Variants in SFMBT1 observed in about 807,000 individuals in gnomAD.
The protein encoded by SFMBT1 is Scm like with four mbt domains 1.
SFMBT1 carries 32 observed loss-of-function variants against 108.7 expected under a neutral mutation model. That is an observed-to-expected ratio of 0.29 (90% CI 0.22 to 0.40). The LOEUF (loss-of-function observed/expected upper bound fraction) is 0.40, where lower values mean the gene tolerates loss of function less well. Among genes scored for constraint, SFMBT1 ranks in the 10% least tolerant of loss-of-function variants. The pLI, the probability that SFMBT1 is intolerant of heterozygous loss-of-function variation, is 1.00. For synonymous variants in SFMBT1, 348 were observed against 369.5 expected (o/e 0.94, Z 0.67); for missense variants, 816 against 1,059.6 (o/e 0.77, Z 3.19).
chr3:52,907,432 A>T (rs1702093289), intron 18 of SFMBT1, 118 bp from the exon 19 acceptor site: 2 of 1,519,282 alleles, frequency 1.3e-6, no homozygotes. Context: ...TTCTTGGGCC[A>T]CAAAACCATC....
chr3:52,969,380 T>C (rs1704264223), intron 1 of SFMBT1, 122 bp from the exon 2 acceptor site: 1 of 1,003,112 alleles, frequency 1.0e-6, no homozygotes, highest in East Asian at 3.2e-5. Context: ...GCAGAATAGA[T>C]AGGACTGGAG....
chr3:52,906,647 C>T (rs1559505616), intron 19 of SFMBT1, among the ~76,000 whole-genome samples: 1 of 152,098 alleles, frequency 6.6e-6, no homozygotes, highest in Non-Finnish European at 1.5e-5. Context: ...TAGTGTTATA[C>T]ATATGTTATA....
At chr3:53,023,308 AT>A (rs1281484926) in intron 1 of SFMBT1, among the ~76,000 whole-genome samples, 1 of 152,192 alleles carries the variant, frequency 6.6e-6, no homozygotes, top group Non-Finnish European at 1.5e-5. Flanking sequence ...CAGTGAAGAT[AT>A]GTTTCCTGTC....
chr3:53,022,998 T>A (rs1699366933), intron 1 of SFMBT1, among the ~76,000 whole-genome samples: 1 of 152,210 alleles, frequency 6.6e-6, no homozygotes, highest in South Asian at 2.1e-4. Flanking sequence ...ATAAAAAATT[T>A]AAAAAAGTCA....
chr3:52,943,603 G>C lies in SFMBT1; in HGVS notation c.124-10C>G, dbSNP rs1703264222. On this transcript the variant is annotated splice_polypyrimidine_tract_variant and intron_variant, in intron 3 of 20. Coordinates refer to ENST00000394752, the MANE Select transcript of SFMBT1 (RefSeq NM_016329.4). ...GCAAACGTGTGTCCACCTTAACAGG[G>C]AAATGTTATTAAGCACCAGACAAGT... 6.2e-7 allele frequency: 1 copy of C among 1,614,098 alleles called. No individual in the cohort carries two copies. Among genetic ancestry groups the C allele is most frequent in the African/African-American group, 1.3e-5 (1 of 74,928 alleles).
chr3:53,030,861 A>G (rs777512142), intron 1 of SFMBT1, among the ~76,000 whole-genome samples: 3 of 152,152 alleles, frequency 2.0e-5, no homozygotes, highest in Non-Finnish European at 2.9e-5. Context: ...AGTTTTACAT[A>G]AGATTATTTT....
chr3:52,944,844 G>T (rs1703305543), intron 3 of SFMBT1, among the ~76,000 whole-genome samples: 1 of 151,486 alleles, frequency 6.6e-6, no homozygotes, highest in South Asian at 2.1e-4. Flanking sequence ...TTTAGACAGG[G>T]ACTGGCTCTG....
chr3:52,991,339 C>CTTTTT (rs1321070989), intron 1 of SFMBT1, among the ~76,000 whole-genome samples: 1 of 62,638 alleles, frequency 1.6e-5, no homozygotes, highest in Non-Finnish European at 4.3e-5. Context: ...CATGCTGAAA[C>CTTTTT]TTCTTTTTTT....
intron 1 of SFMBT1, among the ~76,000 whole-genome samples, chr3:52,989,548 A>G (rs1705048705): frequency 6.6e-6 from 1 of 152,040 alleles, no homozygotes; most frequent in African/African-American, 2.4e-5. Flanking sequence ...CACCTGTAAT[A>G]CCAACACTTT....
chr3:52,926,117 G>C lies in SFMBT1; in HGVS notation c.1049-4C>G, dbSNP rs1702650324. 1 of 1,606,006 alleles carries C rather than the reference G, an allele frequency of 6.2e-7. No homozygotes were observed. Among genetic ancestry groups the C allele is most frequent in the Non-Finnish European group, 8.5e-7 (1 of 1,176,622 alleles). ...TCAAAGTCCTGGCTTGGGTAGCCTA[G>C]GTGGGGACAAATGAACAATGAGTCA... On this transcript the variant is annotated splice_polypyrimidine_tract_variant and splice_region_variant and intron_variant, in intron 9 of 20. Transcript: ENST00000394752.
chr3:52,913,553 T>G lies in SFMBT1; in HGVS notation c.1545A>C (p.Pro515=). 6.2e-7 allele frequency: 1 copy of G among 1,614,186 alleles called. No individual in the cohort carries two copies. The highest frequency in any genetic ancestry group is 1.6e-4 in the Middle Eastern group (1 of 6,062). The change falls in exon 15 of 21, where the codon CCA becomes CCC. Residue 515 remains proline, a synonymous_variant. Transcript: ENST00000394752. ...IYFNHRCFSG[P]YLNKGRIAEL... is the part of the protein sequence containing the mutation. ...CAGCAATTCTTCCTTTGTTAAGATA[T>G]GGCCCTGAGAAGCAACGGTGGTTGA...
intron 1 of SFMBT1, among the ~76,000 whole-genome samples, chr3:53,035,753 C>A (rs1214697746): frequency 6.6e-6 from 1 of 152,186 alleles, no homozygotes; most frequent in African/African-American, 2.4e-5. Flanking sequence ...CATGTCACCA[C>A]GCCCAGCTAA....
chr3:52,991,623 C>T (rs948074232), intron 1 of SFMBT1, among the ~76,000 whole-genome samples: 2 of 152,064 alleles, frequency 1.3e-5, no homozygotes, highest in African/African-American at 4.8e-5. Flanking sequence ...TGATTACAGG[C>T]GTGAGCCACC....
At chr3:52,938,544 G>C (rs1336792954) in intron 4 of SFMBT1, among the ~76,000 whole-genome samples, 1 of 151,624 alleles carries the variant, frequency 6.6e-6, no homozygotes, top group Non-Finnish European at 1.5e-5. Context: ...TTAGCTATAA[G>C]CCCTTCGTTT....
At chr3:52,937,257 T>A (rs1176162199) in intron 4 of SFMBT1, among the ~76,000 whole-genome samples, 1 of 152,194 alleles carries the variant, frequency 6.6e-6, no homozygotes, top group African/African-American at 2.4e-5. Flanking sequence ...GATTTTTTCT[T>A]TGCATTTTTT....
chr3:52,968,303 G>A (rs995251112), intron 2 of SFMBT1, among the ~76,000 whole-genome samples: 5 of 152,162 alleles, frequency 3.3e-5, no homozygotes, highest in Non-Finnish European at 7.3e-5. Flanking sequence ...GATAGGTGTG[G>A]GAGCTCTTTG....
chr3:52,939,837 T>A (rs917159207), intron 4 of SFMBT1, among the ~76,000 whole-genome samples: 1 of 152,120 alleles, frequency 6.6e-6, no homozygotes, highest in Non-Finnish European at 1.5e-5. Flanking sequence ...TAAGTCTTCA[T>A]TTTCAATATT....
At chr3:52,926,898 G>A (rs183560224) in intron 9 of SFMBT1, among the ~76,000 whole-genome samples, 79 of 152,152 alleles carry the variant, frequency 5.2e-4, no homozygotes, top group Non-Finnish European at 9.9e-4. Context: ...AACAGTCCCT[G>A]CCTACCGAAG....
chr3:52,954,755 A>G (rs1490083193), intron 2 of SFMBT1, among the ~76,000 whole-genome samples: 1 of 152,180 alleles, frequency 6.6e-6, no homozygotes, highest in Non-Finnish European at 1.5e-5. Flanking sequence ...CTAATGTCAA[A>G]CATTGAAGAC....
Sources: allele counts gnomAD v4.1 joint callset (sites outside exome capture counted in the v4.1 genomes callset), GRCh38; gene constraint gnomAD v4.1.1; transcripts MANE v1.5; gene names NCBI Gene and HGNC (gene_info 2026-07-23, HGNC 2026-07-21).